Variants in TJP1 observed in about 807,000 individuals in gnomAD.
TJP1 encodes the protein tight junction protein ZO-1.
A neutral mutation model predicts 194.2 loss-of-function variants in TJP1; 43 were observed. The observed-to-expected ratio is 0.22, with a 90% CI of 0.17 to 0.29. TJP1 has a LOEUF of 0.29. Among genes scored for constraint, TJP1 ranks in the 10% least tolerant of loss-of-function variants. TJP1 has a pLI of 1.00. For missense variants in TJP1, 1,971 were observed against 2,185.7 expected, an observed-to-expected ratio of 0.90 and a Z score of 1.96; for synonymous variants, 801 against 779.0, an observed-to-expected ratio of 1.03 and a Z score of -0.47.
At chr15:29,882,188 G>A (rs1230028339) in intron 2 of TJP1, among the ~76,000 whole-genome samples, 1 of 152,046 alleles carries the variant, frequency 6.6e-6, no homozygotes, top group African/African-American at 2.4e-5. Flanking sequence ...AAAAGACCAA[G>A]TGAGCCCTTC....
intron 2 of TJP1, among the ~76,000 whole-genome samples, chr15:29,789,131 C>A (rs866737019): frequency 2.0e-5 from 3 of 151,342 alleles, no homozygotes; most frequent in Non-Finnish European, 4.4e-5. Flanking sequence ...TTTTTTTTTA[C>A]AGTTTTTAAT....
chr15:29,944,520 G>A (rs926845137), intron 2 of TJP1, among the ~76,000 whole-genome samples: 4 of 152,130 alleles, frequency 2.6e-5, no homozygotes, highest in African/African-American at 9.7e-5. Context: ...TATCTGAATT[G>A]GAATTACACC....
intron 2 of TJP1, among the ~76,000 whole-genome samples, chr15:29,859,479 C>T (rs1275418132): frequency 6.6e-6 from 1 of 152,196 alleles, no homozygotes; most frequent in East Asian, 1.9e-4. Flanking sequence ...AAACTCTAGG[C>T]AACAAGGATG....
chr15:29,700,055 GACGCT>G (rs2041448500), downstream of TJP1: 2 of 376,066 alleles, frequency 5.3e-6, no homozygotes, highest in South Asian at 2.9e-4. Context: ...GGTGGTAGGT[GACGCT>G]GGGTGATAGG....
chr15:29,872,736 T>A (rs775050263), intron 2 of TJP1, among the ~76,000 whole-genome samples: 5 of 152,202 alleles, frequency 3.3e-5, no homozygotes, highest in Admixed American at 1.3e-4. Flanking sequence ...CCTCCTTTAG[T>A]CCTCGTCATG....
chr15:29,858,608 A>T lies in TJP1; in HGVS notation c.307-57906T>A, dbSNP rs1184441896. ...AATCAGGCTGGAGTACAGTGCCACA[A>T]TCACAGCTCACTGCAGCCTCAACCT... On this transcript the variant is annotated intron_variant, in intron 2 of 28. Coordinates refer to the TJP1 transcript ENST00000356107. Among the ~76,000 whole-genome samples, 4 of 151,860 alleles carry T rather than the reference A, an allele frequency of 2.6e-5. No homozygotes were observed. In the South Asian group the frequency reaches 8.3e-4, roughly 32 times the overall value.
intron 10 of TJP1, among the ~76,000 whole-genome samples, chr15:29,737,639 G>T (rs1228435400): frequency 7.2e-5 from 11 of 152,098 alleles, no homozygotes; most frequent in African/African-American, 2.4e-4. Context: ...TAATATGCAA[G>T]TACTATTTTA....
intron 11 of TJP1, among the ~76,000 whole-genome samples, chr15:29,734,631 C>T (rs1458610144): frequency 1.3e-5 from 2 of 151,810 alleles, no homozygotes; most frequent in Non-Finnish European, 2.9e-5. Flanking sequence ...TTGCAGGTGC[C>T]CACCACCACA....
chr15:29,920,977 TGGATGGATC>T (rs1358165340), intron 2 of TJP1, among the ~76,000 whole-genome samples: 2 of 152,148 alleles, frequency 1.3e-5, no homozygotes, highest in Non-Finnish European at 2.9e-5. Context: ...AATGGACAGA[TGGATGGATC>T]GGCAGATACG....
chr15:29,732,861 A>G, intron 13 of TJP1, 46 bp from the exon 14 acceptor site: 1 of 1,513,950 alleles, frequency 6.6e-7, no homozygotes, highest in East Asian at 2.3e-5. Context: ...TTAAAATGCA[A>G]AATGGAAAAA....
At chr15:29,940,812 A>G (rs1730903470) in intron 2 of TJP1, among the ~76,000 whole-genome samples, 1 of 152,140 alleles carries the variant, frequency 6.6e-6, no homozygotes, top group Admixed American at 6.5e-5. Flanking sequence ...TGTATTTTTC[A>G]ACCTCCTCTG....
chr15:29,949,290 T>G (rs377561239), intron 2 of TJP1, among the ~76,000 whole-genome samples: 882 of 15,468 alleles, frequency 0.057, 41 homozygotes, highest in Middle Eastern at 0.1. Flanking sequence ...TCCACCGCCA[T>G]CACCTCCACC....
At chr15:29,714,113 T>C (rs1469726018) in intron 23 of TJP1, among the ~76,000 whole-genome samples, 2 of 152,216 alleles carry the variant, frequency 1.3e-5, no homozygotes, top group Non-Finnish European at 2.9e-5. Flanking sequence ...AAGGCAATGT[T>C]CTACACCCTA....
intron 2 of TJP1, among the ~76,000 whole-genome samples, chr15:29,869,795 C>CTTTTTTTTTTTTTTTTTT (rs11318770): frequency 3.6e-5 from 2 of 56,058 alleles, no homozygotes; most frequent in Non-Finnish European, 6.4e-5. Flanking sequence ...TTCTTTCTTT[C>CTTTTTTTTTTTTTTTTTT]TTTTTTTTTT....
chr15:29,739,027 G>A (rs1390840611), intron 10 of TJP1, among the ~76,000 whole-genome samples: 1 of 152,096 alleles, frequency 6.6e-6, no homozygotes, highest in African/African-American at 2.4e-5. Flanking sequence ...CTGGGTGACA[G>A]AGTGAGGCCC....
intron 2 of TJP1, among the ~76,000 whole-genome samples, chr15:29,884,487 C>T (rs952173633): frequency 4.6e-5 from 7 of 152,106 alleles, no homozygotes; most frequent in African/African-American, 7.2e-5. Flanking sequence ...AAACTCTTAC[C>T]CAGGTTGTCC....
intron 2 of TJP1, among the ~76,000 whole-genome samples, chr15:29,920,019 C>T (rs2054306482): frequency 6.6e-6 from 1 of 152,178 alleles, no homozygotes; most frequent in Admixed American, 6.5e-5. Flanking sequence ...GCAGACACAA[C>T]ATCTGACACT....
At chr15:29,921,789 G>A (rs763765771) in intron 2 of TJP1, among the ~76,000 whole-genome samples, 1 of 152,048 alleles carries the variant, frequency 6.6e-6, no homozygotes, top group Non-Finnish European at 1.5e-5. Context: ...ATTCTCAACA[G>A]TAACAAGAGT....
chr15:29,707,491 C>A (rs1372018416), intron 25 of TJP1, among the ~76,000 whole-genome samples: 4 of 152,192 alleles, frequency 2.6e-5, no homozygotes, highest in Admixed American at 2.0e-4. Context: ...AAGGCAGTGA[C>A]CGCCATAACC....
Sources: allele counts gnomAD v4.1 joint callset (sites outside exome capture counted in the v4.1 genomes callset), GRCh38; gene constraint gnomAD v4.1.1; transcripts MANE v1.5; gene names NCBI Gene and HGNC (gene_info 2026-07-23, HGNC 2026-07-21).